The following HERC6 variants were observed in gnomAD, a reference collection of about 807,000 sequenced individuals.
The protein encoded by HERC6 is HECT and RLD domain containing E3 ubiquitin protein ligase family member 6.
A neutral mutation model predicts 114.5 loss-of-function variants in HERC6; 101 were observed. The ratio of observed to expected loss-of-function variants is 0.88; its 90% confidence interval spans 0.75 to 1.04. The LOEUF is 1.04. HERC6 is among the 50% of genes least tolerant of loss of function. The pLI, the probability that HERC6 is intolerant of heterozygous loss-of-function variation, is 0.00. For missense variants in HERC6, 1,133 were observed against 1,230.9 expected, an observed-to-expected ratio of 0.92 and a Z score of 1.19; for synonymous variants, 408 against 436.2, an observed-to-expected ratio of 0.94 and a Z score of 0.81.
intron 12 of HERC6, among the ~76,000 whole-genome samples, chr4:88,415,980 G>GGGATAGGGAGA (rs1736435814): frequency 6.6e-6 from 1 of 152,236 alleles, no homozygotes; most frequent in South Asian, 2.1e-4. Context: ...GGTGAAGTCA[G>GGGATAGGGAGA]GGATAGGGAG....
chr4:88,440,852 A>T (rs1194224082), intron 22 of HERC6, among the ~76,000 whole-genome samples: 3 of 152,072 alleles, frequency 2.0e-5, no homozygotes, highest in Non-Finnish European at 4.4e-5. Context: ...AAAAGAAGTG[A>T]TTTCTTGGAC....
Position 88,385,518 on chromosome 4 carries a change from G to A in HERC6, c.379G>A (p.Asp127Asn). 1 of 1,470,620 alleles carries A rather than the reference G, an allele frequency of 6.8e-7. No individual in the cohort carries two copies. The highest frequency in any genetic ancestry group is 2.4e-5 in the Admixed American group (1 of 42,046). 91.1% of individuals were successfully genotyped at this position (1,470,620 alleles called of 1,614,324 possible). ...TTATAGGAAAATAATGACTCTGAATGATATAAAAATAATACAAGTTTCCTG... is the reference window on the plus strand; with the variant it reads ...TTATAGGAAAATAATGACTCTGAATAATATAAAAATAATACAAGTTTCCTG... Reference protein sequence around the residue: ...FTPKKIMTLNDIKIIQVSCGH... With the variant: ...FTPKKIMTLNNIKIIQVSCGH... The change falls in exon 3 of 23, where the codon GAT becomes AAT. Residue 127 changes from aspartate (D) to asparagine (N), a missense_variant. By Grantham distance (23) the Asp-to-Asn change is conservative (BLOSUM62 1). Around this residue, in one of 3 missense-constraint regions of HERC6, gnomAD observed 735 missense variants for 754.0 expected, o/e 0.97. Transcript: ENST00000264346.
intron 8 of HERC6, among the ~76,000 whole-genome samples, chr4:88,401,490 C>CAA (rs934279048): frequency 1.4e-4 from 8 of 56,668 alleles, no homozygotes; most frequent in Non-Finnish European, 2.6e-4. Flanking sequence ...GACTCCATCT[C>CAA]AAAAAAAAAA....
rs77417092 is a variant in HERC6, at chr4:88,404,869, C to A, written c.1093-7C>A. On this transcript the variant is annotated splice_polypyrimidine_tract_variant and splice_region_variant and intron_variant, in intron 8 of 22. Coordinates refer to ENST00000264346, the MANE Select transcript of HERC6 (RefSeq NM_017912.4). Reference sequence around the variant, plus strand: ...CCTGATCATTCTTGTTTCTTCCTTCCCTGAAGGATACTAGTTCCACACGTG... The same window carrying A: ...CCTGATCATTCTTGTTTCTTCCTTCACTGAAGGATACTAGTTCCACACGTG... The A allele has an allele frequency of 5.5e-4, 895 of 1,612,760 alleles. 10 individuals carry two copies. In the East Asian group the frequency reaches 0.018, roughly 32 times the overall value.
At chr4:88,419,795 A>G (rs1053367979) in intron 13 of HERC6, among the ~76,000 whole-genome samples, 1 of 152,176 alleles carries the variant, frequency 6.6e-6, no homozygotes, top group African/African-American at 2.4e-5. Flanking sequence ...AATAAACATA[A>G]TATTTGGTCT....
intron 9 of HERC6, 155 bp downstream of exon 9, chr4:88,405,152 G>A: frequency 1.2e-6 from 1 of 867,798 alleles, no homozygotes; most frequent in Non-Finnish European, 1.7e-6. Context: ...GGTCATCAGT[G>A]TACTCATTTA....
At chr4:88,383,042 C>T (rs1578365755) in intron 1 of HERC6, 179 bp from the exon 2 acceptor site, 1 of 674,710 alleles carries the variant, frequency 1.5e-6, no homozygotes, top group Non-Finnish European at 2.4e-6. Flanking sequence ...GGGTAACATA[C>T]ATTGAATTTA....
At chr4:88,424,521 C>T (rs544802952) in intron 14 of HERC6, 74 bp from the exon 15 acceptor site, 57 of 1,098,858 alleles carry the variant, frequency 5.2e-5, no homozygotes, top group African/African-American at 2.6e-4. Context: ...AAAAAAAAGG[C>T]GATAAGGTAA....
rs1739185626 is a variant in HERC6 at position 88,440,041 on chromosome 4, G to A, written c.2723G>A (p.Trp908Ter). The A allele has an allele frequency of 6.2e-7, 1 of 1,609,898 alleles. No individual in the cohort carries two copies. Among genetic ancestry groups the A allele is most frequent in the Non-Finnish European group, 8.5e-7 (1 of 1,178,858 alleles). The change falls in exon 21 of 23, where the codon TGG becomes TAG. Residue 908 changes from tryptophan (W) to a stop codon, truncating the protein, a stop_gained. Coordinates refer to ENST00000264346, the MANE Select transcript of HERC6 (RefSeq NM_017912.4). LOFTEE classifies it high-confidence loss of function. ...TAIIGNTDYDWKQFEQNSKYE... is the reference protein window; with the variant it reads ...TAIIGNTDYD ...ATCATTGGAAATACTGATTATGACT[G>A]GAAACAGTTTGAACAGGTAGGTGAT...
intron 1 of HERC6, among the ~76,000 whole-genome samples, chr4:88,380,147 AAT>A (rs377311737): frequency 4.3e-5 from 1 of 23,148 alleles, no homozygotes; most frequent in Non-Finnish European, 7.3e-5. Flanking sequence ...ATAATATATA[AAT>A]ATATATAATA....
At chr4:88,386,397 G>A (rs1349598464) in intron 3 of HERC6, among the ~76,000 whole-genome samples, 1 of 151,758 alleles carries the variant, frequency 6.6e-6, no homozygotes, top group Non-Finnish European at 1.5e-5. Flanking sequence ...GTATAGACGA[G>A]GTTTCACTAT....
At chr4:88,425,628 A>AAAC (rs1737529994) in intron 15 of HERC6, among the ~76,000 whole-genome samples, 1 of 152,118 alleles carries the variant, frequency 6.6e-6, no homozygotes, top group African/African-American at 2.4e-5. Context: ...CAATGAGTTT[A>AAAC]TTTTGTTTTC....
intron 7 of HERC6, 66 bp downstream of exon 7, chr4:88,397,053 C>T (rs905823544): frequency 1.0e-5 from 15 of 1,442,468 alleles, no homozygotes; most frequent in African/African-American, 9.9e-5. Context: ...TAGTATTCAG[C>T]TTCCTTTCAA....
Position 88,405,569 on chromosome 4 carries a change from A to G in HERC6, c.1230A>G (p.Ile410Met), listed in dbSNP as rs771318545. 2 of 1,538,404 alleles carry G rather than the reference A, an allele frequency of 1.3e-6. No homozygotes were observed. The highest frequency in any genetic ancestry group is 2.5e-5 in the South Asian group (2 of 80,374). Residue 410 changes from isoleucine to methionine, a missense_variant, in exon 10 of 23, where the codon ATA (isoleucine) becomes ATG (methionine). This residue lies in a region of HERC6 where 735 missense variants were observed against 754.0 expected (regional missense o/e 0.97). Coordinates refer to ENST00000264346, the MANE Select transcript of HERC6 (RefSeq NM_017912.4). ...HEMAKSEIRM[I>M]FSSPACLTAS... ...ACTTTTACAGTGAAATTAGAATGAT[A>G]TTTTCATCTCCTGCTTGTCTGACTG...
At chr4:88,414,746 T>G (rs1211861607) in intron 12 of HERC6, among the ~76,000 whole-genome samples, 1 of 152,202 alleles carries the variant, frequency 6.6e-6, no homozygotes, top group Non-Finnish European at 1.5e-5. Flanking sequence ...GAGGTCACTC[T>G]CATTGCCATC....
At chr4:88,384,828 T>TGGC (rs911683746) in intron 2 of HERC6, among the ~76,000 whole-genome samples, 1 of 152,130 alleles carries the variant, frequency 6.6e-6, no homozygotes, top group African/African-American at 2.4e-5. Context: ...GAGACCAGCC[T>TGGC]GGCCAACATG....
intron 20 of HERC6, 88 bp from the exon 21 acceptor site, chr4:88,439,786 A>G (rs1179268468): frequency 8.1e-7 from 1 of 1,238,516 alleles, no homozygotes; most frequent in African/African-American, 1.6e-5. Flanking sequence ...TCTCAATAGA[A>G]ATAGTAAAAA....
At chr4:88,396,824 C>T in intron 6 of HERC6, 27 bp from the exon 7 acceptor site, 2 of 1,502,554 alleles carry the variant, frequency 1.3e-6, no homozygotes, top group East Asian at 2.4e-5. Flanking sequence ...CCTTAGTCTT[C>T]ATTATGGTGT....
chr4:88,442,338 A>G lies in HERC6; in HGVS notation c.2947A>G (p.Ile983Val). ...CAGTGAAAGAGATCACCCAACATCAATAACTTGTCATAATATTCTCTCCCT... is the reference window on the plus strand; with the variant it reads ...CAGTGAAAGAGATCACCCAACATCAGTAACTTGTCATAATATTCTCTCCCT... ...TFSERDHPTS[I>V]TCHNILSLPK... is the part of the protein sequence containing the mutation. Residue 983 changes from isoleucine (I) to valine (V), a missense_variant, in exon 23 of 23, where the codon ATA (isoleucine) becomes GTA (valine). By Grantham distance (29) the Ile-to-Val change is conservative. Coordinates refer to ENST00000264346, the MANE Select transcript of HERC6 (RefSeq NM_017912.4). 1 of 1,613,790 alleles carries G rather than the reference A, an allele frequency of 6.2e-7. No homozygotes were observed. The highest frequency in any genetic ancestry group is 1.6e-4 in the Middle Eastern group (1 of 6,062).
Sources: gnomAD v4.1 joint callset for allele counts (sites outside exome capture counted in the v4.1 genomes callset) on GRCh38, gnomAD v4.1.1 for gene constraint, gnomAD v4.1.1 regional missense constraint, MANE v1.5 for transcripts, NCBI Gene and HGNC (gene_info 2026-07-23, HGNC 2026-07-21) for gene names.